The following TOX variants were observed in gnomAD, a reference collection of about 807,000 sequenced individuals.
TOX encodes the protein thymocyte selection associated high mobility group box.
In TOX, 11 loss-of-function variants were observed where a neutral mutation model predicts 53.7. That is an observed-to-expected ratio of 0.20 (90% CI 0.13 to 0.34). TOX has a LOEUF of 0.34. TOX is among the 10% of genes least tolerant of loss of function. TOX has a pLI of 1.00. For synonymous variants in TOX, 225 were observed against 245.3 expected (o/e 0.92, Z 0.77); for missense variants, 570 against 664.6 (o/e 0.86, Z 1.56).
chr8:58,915,403 C>T (rs1486410947), intron 3 of TOX, among the ~76,000 whole-genome samples: 24 of 92,474 alleles, frequency 2.6e-4, no homozygotes, highest in East Asian at 6.0e-4. Context: ...CCCTGACCCC[C>T]GAGCAGCCTA....
At chr8:59,107,339 A>G (rs1804932566) in intron 1 of TOX, among the ~76,000 whole-genome samples, 1 of 152,154 alleles carries the variant, frequency 6.6e-6, no homozygotes. Flanking sequence ...TTGAACATCT[A>G]ATCAAAGACT....
At chr8:58,876,667 T>C (rs964575238) in intron 3 of TOX, among the ~76,000 whole-genome samples, 1 of 152,108 alleles carries the variant, frequency 6.6e-6, no homozygotes. Flanking sequence ...CCCAGCTACA[T>C]GTAGCTAGCG....
intron 1 of TOX, among the ~76,000 whole-genome samples, chr8:59,072,338 T>C (rs1360273834): frequency 2.0e-5 from 3 of 152,172 alleles, no homozygotes; most frequent in African/African-American, 7.2e-5. Context: ...CCCAAATATA[T>C]TGCCTGGTAG....
chr8:59,031,660 G>A (rs912739722), intron 1 of TOX, among the ~76,000 whole-genome samples: 4 of 152,168 alleles, frequency 2.6e-5, no homozygotes, highest in Non-Finnish European at 4.4e-5. Flanking sequence ...TTTAGACTGG[G>A]CAATCAAGGA....
intron 1 of TOX, among the ~76,000 whole-genome samples, chr8:59,083,553 G>T: frequency 6.6e-6 from 1 of 152,110 alleles, no homozygotes; most frequent in East Asian, 1.9e-4. Context: ...TGAAATAAAT[G>T]CTATTGAGAA....
At chr8:58,934,897 C>T (rs1300659894) in intron 3 of TOX, among the ~76,000 whole-genome samples, 1 of 152,172 alleles carries the variant, frequency 6.6e-6, no homozygotes, top group African/African-American at 2.4e-5. Flanking sequence ...TCCCCATTTT[C>T]CTGATAAGGA....
chr8:58,949,599 C>A (rs1035063574), intron 2 of TOX, among the ~76,000 whole-genome samples: 3 of 151,448 alleles, frequency 2.0e-5, no homozygotes, highest in Admixed American at 6.6e-5. Flanking sequence ...ATGAGAATCC[C>A]AAAAAAAATT....
At chr8:59,074,946 C>G (rs544263671) in intron 1 of TOX, among the ~76,000 whole-genome samples, 3 of 152,132 alleles carry the variant, frequency 2.0e-5, no homozygotes, top group African/African-American at 7.2e-5. Flanking sequence ...AGACTACCTG[C>G]TAGTCTGTTC....
chr8:58,910,249 C>T (rs1054343645), intron 3 of TOX, among the ~76,000 whole-genome samples: 1 of 152,166 alleles, frequency 6.6e-6, no homozygotes, highest in Non-Finnish European at 1.5e-5. Flanking sequence ...TATTGAGATT[C>T]ATACAATCCA....
intron 1 of TOX, among the ~76,000 whole-genome samples, chr8:59,014,871 C>A (rs1217664542): frequency 6.6e-6 from 1 of 152,042 alleles, no homozygotes; most frequent in Non-Finnish European, 1.5e-5. Context: ...AGGAAACAGG[C>A]CTAATTAAAG....
intron 1 of TOX, among the ~76,000 whole-genome samples, chr8:59,063,683 A>T (rs1187052105): frequency 6.6e-6 from 1 of 151,964 alleles, no homozygotes; most frequent in African/African-American, 2.4e-5. Context: ...CGGCCTCTTA[A>T]AGTGCTGGGA....
intron 1 of TOX, among the ~76,000 whole-genome samples, chr8:59,051,270 T>C (rs73254495): frequency 0.1 from 15,498 of 152,118 alleles, 1,200 homozygotes; most frequent in South Asian, 0.2. Context: ...TTTCTTTACT[T>C]ACTGTGTAGG....
At chr8:59,024,333 A>G (rs1404440754) in intron 1 of TOX, among the ~76,000 whole-genome samples, 1 of 152,238 alleles carries the variant, frequency 6.6e-6, no homozygotes, top group East Asian at 1.9e-4. Context: ...TGTGTAATCA[A>G]CGCTTTACTA....
Position 59,119,109 on chromosome 8 carries a change from T to C in TOX, c.-122A>G. 1 of 576,840 alleles carries C rather than the reference T, an allele frequency of 1.7e-6. No individual in the cohort carries two copies. The highest frequency in any genetic ancestry group is 3.0e-6 in the Non-Finnish European group (1 of 329,660). 35.7% of individuals were successfully genotyped at this position (576,840 alleles called of 1,614,324 possible). On this transcript the variant is annotated 5_prime_UTR_variant, in exon 1 of 9. Transcript: ENST00000361421. ...CTCAGGAGTAAAAGAAACACCTTCC[T>C]TCCCTCACATCCGTTTGTGGTTTGT...
chr8:58,953,435 T>C (rs935276605), intron 2 of TOX, among the ~76,000 whole-genome samples: 1 of 152,232 alleles, frequency 6.6e-6, no homozygotes, highest in Non-Finnish European at 1.5e-5. Flanking sequence ...AGCATCTTTT[T>C]AATTTTGAGT....
chr8:59,009,985 C>T (rs1055637300), intron 1 of TOX, among the ~76,000 whole-genome samples: 1 of 152,130 alleles, frequency 6.6e-6, no homozygotes, highest in African/African-American at 2.4e-5. Context: ...AATAGAATGT[C>T]TTATTTAAAT....
In TOX at chr8:58,808,904, T is replaced by C. The variant is rs552738827; in HGVS notation, c.1393-635A>G. 1.5e-3 allele frequency among the ~76,000 whole-genome samples: 225 copies of C among 152,312 alleles called. 1 individual carries two copies. The highest frequency in any genetic ancestry group is 3.4e-3 in the Middle Eastern group (1 of 294). ...ATTGGAAAACACGGGGAGGGAAAAG[T>C]GTACGACAGAGCAAATATTTTTTAA... On this transcript the variant is annotated intron_variant, in intron 7 of 8. Transcript: ENST00000361421.
At chr8:58,826,006 C>G (rs1330633969) in intron 6 of TOX, among the ~76,000 whole-genome samples, 4 of 152,156 alleles carry the variant, frequency 2.6e-5, no homozygotes, top group African/African-American at 9.7e-5. Flanking sequence ...GTACTTTGGG[C>G]TCTCTTTTCT....
chr8:59,013,367 A>G (rs1813946708), intron 1 of TOX, among the ~76,000 whole-genome samples: 1 of 151,612 alleles, frequency 6.6e-6, no homozygotes, highest in African/African-American at 2.4e-5. Context: ...TTATCATTTG[A>G]TAATTTAAAA....
Sources: gnomAD v4.1 joint callset for allele counts (sites outside exome capture counted in the v4.1 genomes callset) on GRCh38, gnomAD v4.1.1 for gene constraint, MANE v1.5 for transcripts, NCBI Gene and HGNC (gene_info 2026-07-23, HGNC 2026-07-21) for gene names.